GALNT13: variants seen among roughly 807,000 people sequenced by gnomAD.
GALNT13 encodes the protein polypeptide N-acetylgalactosaminyltransferase 13, also known as UDP-GalNAc:polypeptide N-acetylgalactosaminyltransferase 13.
A neutral mutation model predicts 64.2 loss-of-function variants in GALNT13; 28 were observed. The ratio of observed to expected loss-of-function variants is 0.44; its 90% CI spans 0.32 to 0.60. The LOEUF is 0.60. Among genes scored for constraint, GALNT13 ranks in the 20% least tolerant of loss-of-function variants. The pLI, the probability that GALNT13 is intolerant of heterozygous loss-of-function variation, is 0.05. For missense variants in GALNT13, 577 were observed against 669.8 expected (o/e 0.86, Z 1.53); for synonymous variants, 214 against 224.6 (o/e 0.95, Z 0.42).
the GALNT13 span, among the ~76,000 whole-genome samples, chr2:153,673,505 A>G: frequency 1.3e-5 from 2 of 152,224 alleles, no homozygotes; most frequent in African/African-American, 4.8e-5. Flanking sequence ...TCAAAATACA[A>G]CAGCCTTTCA....
At chr2:153,965,394 T>A (rs1030457161) in intron 3 of GALNT13, among the ~76,000 whole-genome samples, 10 of 152,142 alleles carry the variant, frequency 6.6e-5, no homozygotes, top group Admixed American at 2.0e-4. Context: ...CTACTCTCTA[T>A]CTTCATGGGA....
At chr2:154,330,126 T>G (rs1695088412) in intron 9 of GALNT13, among the ~76,000 whole-genome samples, 1 of 152,072 alleles carries the variant, frequency 6.6e-6, no homozygotes, top group Non-Finnish European at 1.5e-5. Flanking sequence ...GCAGATGATA[T>G]GCACCCATCC....
At chr2:154,089,137 A>T (rs761483164) in intron 3 of GALNT13, among the ~76,000 whole-genome samples, 2 of 151,950 alleles carry the variant, frequency 1.3e-5, no homozygotes, top group Non-Finnish European at 2.9e-5. Flanking sequence ...AACCTTCCCC[A>T]CACTTTATTC....
chr2:153,795,889 A>G, the GALNT13 span, among the ~76,000 whole-genome samples: 1 of 152,172 alleles, frequency 6.6e-6, no homozygotes, highest in Admixed American at 6.5e-5. Flanking sequence ...TCTGTGGCAT[A>G]TTTTATACCC....
At chr2:153,594,906 A>G in the GALNT13 span, among the ~76,000 whole-genome samples, 1 of 152,128 alleles carries the variant, frequency 6.6e-6, no homozygotes, top group East Asian at 1.9e-4. Flanking sequence ...CTTGGAAAAT[A>G]AAACTATTTG....
chr2:154,245,795 T>C lies in GALNT13; in HGVS notation c.687-17T>C, dbSNP rs1689748142. On this transcript the variant is annotated splice_polypyrimidine_tract_variant and intron_variant, in intron 6 of 12. Transcript: ENST00000392825. ...TAATTATCATGTGTCTATAAATTGG[T>C]TTTAATTTCTCTGCAGGAAAACGGT... is the stretch of plus-strand genomic sequence containing the variant. The C allele has an allele frequency of 1.9e-6, 3 of 1,559,028 alleles. No homozygotes were observed. In the Admixed American group the frequency reaches 5.2e-5, roughly 27 times the overall value.
At chr2:154,343,600 T>C (rs1695894763) in intron 9 of GALNT13, among the ~76,000 whole-genome samples, 1 of 152,084 alleles carries the variant, frequency 6.6e-6, no homozygotes, top group Admixed American at 6.6e-5. Context: ...CATGCCCCTG[T>C]CCAGCATGCC....
chr2:154,032,924 TATTTGTTTTAGG>T (rs1558921017), intron 3 of GALNT13, among the ~76,000 whole-genome samples: 1 of 148,226 alleles, frequency 6.7e-6, no homozygotes, highest in Non-Finnish European at 1.5e-5. Context: ...TAAAATCACG[TATTTGTTTTAGG>T]ATTTGTTTTA....
At chr2:154,443,623 T>C (rs1701416867) in intron 12 of GALNT13, among the ~76,000 whole-genome samples, 1 of 152,068 alleles carries the variant, frequency 6.6e-6, no homozygotes, top group Admixed American at 6.6e-5. Flanking sequence ...AATTAGTATG[T>C]TTTAATACCA....
intron 3 of GALNT13, among the ~76,000 whole-genome samples, chr2:154,132,295 A>G (rs1373421781): frequency 6.6e-6 from 1 of 152,138 alleles, no homozygotes; most frequent in East Asian, 1.9e-4. Context: ...AATTAAATGA[A>G]CCACTGCTAA....
At chr2:153,252,863 G>A in the GALNT13 span, among the ~76,000 whole-genome samples, 1 of 152,216 alleles carries the variant, frequency 6.6e-6, no homozygotes, top group East Asian at 1.9e-4. Context: ...CGCTGTTTTG[G>A]TTACTGTAGC....
chr2:153,171,915 C>T, the GALNT13 span: 1 of 152,264 alleles, frequency 6.6e-6, no homozygotes. Flanking sequence ...TTACTTTCTT[C>T]CATAACACAG....
At chr2:153,094,046 T>C in the GALNT13 span, among the ~76,000 whole-genome samples, 1 of 152,178 alleles carries the variant, frequency 6.6e-6, no homozygotes, top group Non-Finnish European at 1.5e-5. Flanking sequence ...TTATTGATTT[T>C]ATTTATTTGG....
chr2:153,445,245 A>T, the GALNT13 span, among the ~76,000 whole-genome samples: 23 of 152,354 alleles, frequency 1.5e-4, no homozygotes, highest in East Asian at 4.4e-3. Flanking sequence ...GTAGAATATT[A>T]GAATATCCAT....
intron 3 of GALNT13, among the ~76,000 whole-genome samples, chr2:154,073,420 A>T (rs2105395194): frequency 6.6e-6 from 1 of 152,112 alleles, no homozygotes; most frequent in Non-Finnish European, 1.5e-5. Context: ...GCCAATGGTA[A>T]GTCAAACTTT....
At chr2:153,874,341 C>T (rs947871667) in intron 1 of GALNT13, among the ~76,000 whole-genome samples, 2 of 151,842 alleles carry the variant, frequency 1.3e-5, no homozygotes, top group African/African-American at 4.8e-5. Flanking sequence ...GCTGCTTCTG[C>T]TTGTTTAAAT....
At chr2:153,980,361 G>A (rs535315564) in intron 3 of GALNT13, among the ~76,000 whole-genome samples, 2 of 152,170 alleles carry the variant, frequency 1.3e-5, no homozygotes, top group Non-Finnish European at 1.5e-5. Context: ...TGAAAAGTGG[G>A]TGGGAAGGAA....
At chr2:153,379,696 A>G in the GALNT13 span, among the ~76,000 whole-genome samples, 1 of 152,120 alleles carries the variant, frequency 6.6e-6, no homozygotes, top group East Asian at 1.9e-4. Flanking sequence ...TGAATGAGAT[A>G]TTGTTTATAG....
chr2:154,165,450 T>C (rs1235540094), intron 4 of GALNT13, among the ~76,000 whole-genome samples: 1 of 152,204 alleles, frequency 6.6e-6, no homozygotes, highest in East Asian at 1.9e-4. Context: ...TGCTTACGCT[T>C]ACAGCCTCAT....
Sources: gnomAD v4.1 joint callset for allele counts (sites outside exome capture counted in the v4.1 genomes callset) on GRCh38, gnomAD v4.1.1 for gene constraint, MANE v1.5 for transcripts, NCBI Gene and HGNC (gene_info 2026-07-23, HGNC 2026-07-21) for gene names.